The following CACNA2D1 variants were observed in gnomAD, a reference collection of about 807,000 sequenced individuals.
The protein encoded by CACNA2D1 is calcium voltage-gated channel auxiliary subunit alpha2delta 1, also known as voltage-dependent calcium channel subunit alpha-2/delta-1.
A neutral mutation model predicts 171.5 loss-of-function variants in CACNA2D1; 53 were observed. The observed-to-expected ratio is 0.31, with a 90% CI of 0.25 to 0.39. The LOEUF is 0.39. Among genes scored for constraint, CACNA2D1 ranks in the 10% least tolerant of loss-of-function variants. The probability of loss-of-function intolerance (pLI) is 1.00; values close to 1 mark genes in which losing one functional copy is unlikely to be tolerated. For missense variants in CACNA2D1, 903 were observed against 1,299.8 expected (o/e 0.69, Z 4.69); for synonymous variants, 442 against 443.1 (o/e 1.00, Z 0.03).
intron 2 of CACNA2D1, among the ~76,000 whole-genome samples, chr7:82,346,136 G>T (rs1286431592): frequency 6.6e-6 from 1 of 152,136 alleles, no homozygotes; most frequent in Non-Finnish European, 1.5e-5. Flanking sequence ...AGAGCAACTG[G>T]AAGAATCATT....
Position 82,280,645 on chromosome 7 carries a change from C to G in CACNA2D1, c.294+54490G>C, listed in dbSNP as rs4532550. The stretch of plus-strand genomic sequence containing the variant: ...AAGCTTTTTATGTAATCTCATCTAC[C>G]CCTTTTACATAGAAACCTTACTTAT... On this transcript the variant is annotated intron_variant, in intron 3 of 38. Transcript: ENST00000356860. 6.7e-3 allele frequency among the ~76,000 whole-genome samples: 1,021 copies of G among 152,048 alleles called. 6 individuals carry two copies. The highest frequency in any genetic ancestry group is 0.012 in the Non-Finnish European group (822 of 67,962).
At chr7:82,389,348 A>T (rs557630153) in intron 1 of CACNA2D1, among the ~76,000 whole-genome samples, 1 of 151,938 alleles carries the variant, frequency 6.6e-6, no homozygotes, top group Non-Finnish European at 1.5e-5. Flanking sequence ...CTCTTAATGC[A>T]TGCTCAAGAT....
At chr7:82,434,008 C>T (rs10215229) in intron 1 of CACNA2D1, among the ~76,000 whole-genome samples, 4,057 of 152,296 alleles carry the variant, frequency 0.027, 179 homozygotes, top group African/African-American at 0.091. Context: ...GAATTCTACA[C>T]TCAAGCTGGT....
chr7:81,990,837 T>C (rs1797472038), intron 21 of CACNA2D1, among the ~76,000 whole-genome samples: 1 of 152,182 alleles, frequency 6.6e-6, no homozygotes, highest in Non-Finnish European at 1.5e-5. Flanking sequence ...TGAGATAAGC[T>C]TTATATTTTA....
At chr7:82,330,277 T>C (rs1817154776) in intron 3 of CACNA2D1, among the ~76,000 whole-genome samples, 1 of 152,114 alleles carries the variant, frequency 6.6e-6, no homozygotes, top group Non-Finnish European at 1.5e-5. Context: ...TAAGTTAAAT[T>C]GACTTTTTAT....
intron 3 of CACNA2D1, among the ~76,000 whole-genome samples, chr7:82,184,622 A>G (rs1397829441): frequency 6.6e-6 from 1 of 152,132 alleles, no homozygotes; most frequent in East Asian, 1.9e-4. Context: ...TTAGATATAA[A>G]GCTTCTAAGC....
At position 82,354,043 on chromosome 7, in the gene CACNA2D1, T is replaced by C. The variant is rs1004592194; in HGVS notation, c.96-4394A>G. Among the ~76,000 whole-genome samples the C allele has an allele frequency of 1.7e-4, 26 of 152,056 alleles. 1 individual carries two copies. The highest frequency in any genetic ancestry group is 2.9e-5 in the Non-Finnish European group (2 of 68,010). ...TCTCCCTCCCTTCTTCGCTGAAGAC[T>C]CTCATGTGGCGAGTGTCCTGCCCTA... On this transcript the variant is annotated intron_variant, in intron 1 of 38. Transcript: ENST00000356860.
chr7:82,012,315 A>G lies in CACNA2D1; in HGVS notation c.1273-72T>C, dbSNP rs117564775. The G allele has an allele frequency of 2.1e-3, 1,677 of 814,694 alleles. 10 individuals carry two copies. The highest frequency in any genetic ancestry group is 0.019 in the East Asian group (763 of 39,848). 50.5% of individuals were successfully genotyped at this position (814,694 alleles called of 1,614,324 possible). ...CTGTGTTGAAATAAAAATTACAGAG[A>G]AAAAATATTCTAGAGTTAAAAATGA... is the stretch of plus-strand genomic sequence containing the variant. On this transcript the variant is annotated intron_variant, in intron 14 of 38. Coordinates refer to ENST00000356860, the MANE Select transcript of CACNA2D1 (RefSeq NM_000722.4).
chr7:82,364,834 G>C (rs1821498800), intron 1 of CACNA2D1, among the ~76,000 whole-genome samples: 1 of 152,178 alleles, frequency 6.6e-6, no homozygotes, highest in East Asian at 1.9e-4. Context: ...AGAAGGGAAA[G>C]TTTATGGAAT....
chr7:82,278,147 G>A (rs538003436), intron 3 of CACNA2D1, among the ~76,000 whole-genome samples: 5 of 152,076 alleles, frequency 3.3e-5, no homozygotes, highest in Non-Finnish European at 7.4e-5. Context: ...CTTTTGGTAT[G>A]ATTCCCATAT....
intron 1 of CACNA2D1, among the ~76,000 whole-genome samples, chr7:82,420,742 T>C (rs1021498132): frequency 6.6e-6 from 1 of 152,126 alleles, no homozygotes; most frequent in Non-Finnish European, 1.5e-5. Context: ...AGTACTTGCC[T>C]GTGATAAATT....
At chr7:82,052,481 T>C (rs2367842) in intron 10 of CACNA2D1, among the ~76,000 whole-genome samples, 149,464 of 152,296 alleles carry the variant, frequency 0.98, 73,386 homozygotes, top group Non-Finnish European at 1. Context: ...ATGTTAAAGA[T>C]AAAAATGTAA....
At chr7:82,425,957 C>T (rs1046018013) in intron 1 of CACNA2D1, among the ~76,000 whole-genome samples, 5 of 150,880 alleles carry the variant, frequency 3.3e-5, no homozygotes, top group Admixed American at 6.6e-5. Flanking sequence ...GGCGAAACCC[C>T]GTCTCTTACT....
At chr7:82,130,533 T>C (rs1288130166) in intron 5 of CACNA2D1, among the ~76,000 whole-genome samples, 1 of 152,020 alleles carries the variant, frequency 6.6e-6, no homozygotes, top group Non-Finnish European at 1.5e-5. Flanking sequence ...AGAACATATT[T>C]GAGACCAATG....
intron 2 of CACNA2D1, among the ~76,000 whole-genome samples, chr7:82,337,909 C>T (rs941301231): frequency 6.6e-6 from 1 of 152,132 alleles, no homozygotes; most frequent in Admixed American, 6.6e-5. Flanking sequence ...TTCTTTCCTA[C>T]AATCTTAACC....
At chr7:82,352,378 A>G (rs528082493) in intron 1 of CACNA2D1, among the ~76,000 whole-genome samples, 9 of 152,328 alleles carry the variant, frequency 5.9e-5, no homozygotes, top group African/African-American at 2.2e-4. Flanking sequence ...TTTCTTGGTA[A>G]ACTGTCAAGC....
At chr7:82,256,041 C>T (rs1806258930) in intron 3 of CACNA2D1, among the ~76,000 whole-genome samples, 2 of 152,084 alleles carry the variant, frequency 1.3e-5, no homozygotes, top group South Asian at 4.1e-4. Context: ...TTTTGAGAGG[C>T]CAAGGCAGAC....
At chr7:82,087,494 A>C (rs1304538853) in intron 6 of CACNA2D1, among the ~76,000 whole-genome samples, 1 of 151,940 alleles carries the variant, frequency 6.6e-6, no homozygotes, top group African/African-American at 2.4e-5. Flanking sequence ...TAAAATACCA[A>C]AACTAGAAAG....
At chr7:82,186,207 G>GGGAA in intron 3 of CACNA2D1, among the ~76,000 whole-genome samples, 1 of 132,896 alleles carries the variant, frequency 7.5e-6, no homozygotes, top group Middle Eastern at 3.9e-3. Context: ...GAGGGAGGGA[G>GGGAA]GGAGGGAGGG....
Sources: gnomAD v4.1 joint callset for allele counts (sites outside exome capture counted in the v4.1 genomes callset) on GRCh38, gnomAD v4.1.1 for gene constraint, MANE v1.5 for transcripts, NCBI Gene and HGNC (gene_info 2026-07-23, HGNC 2026-07-21) for gene names.